The following MVB12B variants were observed in gnomAD, a reference collection of about 807,000 sequenced individuals.
MVB12B encodes the protein ESCRT-I complex subunit MVB12B.
In MVB12B, 16 loss-of-function variants were observed where a neutral mutation model predicts 41.6. The observed-to-expected ratio is 0.38, with a 90% CI of 0.26 to 0.58. The LOEUF is 0.58. Among genes scored for constraint, MVB12B ranks in the 20% least tolerant of loss-of-function variants. The pLI is 0.62. For missense variants in MVB12B, 274 were observed against 380.2 expected, an observed-to-expected ratio of 0.72 and a Z score of 2.32; for synonymous variants, 133 against 139.7, an observed-to-expected ratio of 0.95 and a Z score of 0.34.
intron 7 of MVB12B, among the ~76,000 whole-genome samples, chr9:126,439,251 G>A (rs1409376306): frequency 6.6e-6 from 1 of 151,688 alleles, no homozygotes; most frequent in Non-Finnish European, 1.5e-5. Flanking sequence ...CTCTGGGCAG[G>A]GAGCTCACAG....
intron 9 of MVB12B, among the ~76,000 whole-genome samples, chr9:126,493,267 C>T (rs547654806): frequency 1.6e-4 from 24 of 152,250 alleles, no homozygotes; most frequent in Admixed American, 1.4e-3. Context: ...GAACTACAGA[C>T]AGCTTTATTT....
intron 9 of MVB12B, among the ~76,000 whole-genome samples, chr9:126,487,689 C>T (rs1036045554): frequency 6.6e-6 from 1 of 151,898 alleles, no homozygotes; most frequent in Non-Finnish European, 1.5e-5. Flanking sequence ...ATCACTTGAG[C>T]CCAGGAGACG....
At position 126,463,263 on chromosome 9, in the gene MVB12B, C is replaced by G. The variant is rs147473406; in HGVS notation, c.758-18106C>G. Reference sequence around the variant, plus strand: ...CAAGAGGCGTGAGTTCTAAGGGCTCCCATCCTCTCACATGCACCATGAGGA... The same window carrying G: ...CAAGAGGCGTGAGTTCTAAGGGCTCGCATCCTCTCACATGCACCATGAGGA... On this transcript the variant is annotated intron_variant, in intron 7 of 9. Coordinates refer to ENST00000361171, the MANE Select transcript of MVB12B (RefSeq NM_033446.3). Among the ~76,000 whole-genome samples the G allele has an allele frequency of 4.6e-3, 707 of 152,270 alleles. 5 individuals are homozygous for G. Among genetic ancestry groups the G allele is most frequent in the Admixed American group, 9.2e-3 (141 of 15,286 alleles).
At chr9:126,422,320 G>A (rs891986671) in intron 7 of MVB12B, among the ~76,000 whole-genome samples, 7 of 152,150 alleles carry the variant, frequency 4.6e-5, no homozygotes, top group African/African-American at 1.4e-4. Flanking sequence ...CCATATCCAA[G>A]TCTGTCCTCA....
At chr9:126,354,682 C>T (rs1175690962) in intron 2 of MVB12B, among the ~76,000 whole-genome samples, 3 of 152,154 alleles carry the variant, frequency 2.0e-5, no homozygotes, top group African/African-American at 7.2e-5. Flanking sequence ...TATATACACA[C>T]ATGCGTGGGA....
In MVB12B at chr9:126,473,692, G is replaced by A. The variant is rs770323981; in HGVS notation, c.758-7677G>A. Among the ~76,000 whole-genome samples the A allele has an allele frequency of 1.8e-4, 28 of 152,300 alleles. No individual in the cohort carries two copies. The highest frequency in any genetic ancestry group is 3.2e-4 in the Non-Finnish European group (22 of 68,032). On this transcript the variant is annotated intron_variant, in intron 7 of 9. Transcript: ENST00000361171. This position sits in a 1 kb window ranked among gnomAD's most constrained non-coding sequence, Gnocchi z 4.0. The stretch of plus-strand genomic sequence containing the variant: ...CTCGCTATCACAAGGACAGCACCAC[G>A]GGGAAGCTGCTAAACCATCCACAAG...
chr9:126,420,406 A>G (rs527433255), intron 6 of MVB12B, among the ~76,000 whole-genome samples: 1 of 152,236 alleles, frequency 6.6e-6, no homozygotes, highest in African/African-American at 2.4e-5. Flanking sequence ...GCTGTGGCTG[A>G]GTGTCCGCCA....
Position 126,468,024 on chromosome 9 carries a change from G to A in MVB12B, c.758-13345G>A, listed in dbSNP as rs555291157. On this transcript the variant is annotated intron_variant, in intron 7 of 9. Coordinates refer to ENST00000361171, the MANE Select transcript of MVB12B (RefSeq NM_033446.3). The surrounding 1 kb of genome is among the most constrained non-coding windows in gnomAD (Gnocchi z 4.3). ...TAAGTGTACACACACACAGATGTGC[G>A]CTTATGTATCTGTCTACAACTACAT... 2.6e-5 allele frequency among the ~76,000 whole-genome samples: 4 copies of A among 152,288 alleles called. No individual in the cohort carries two copies. The highest frequency in any genetic ancestry group is 2.1e-4 in the South Asian group (1 of 4,824).
chr9:126,429,158 G>A (rs1832262918), intron 7 of MVB12B, among the ~76,000 whole-genome samples: 1 of 152,174 alleles, frequency 6.6e-6, no homozygotes, highest in Non-Finnish European at 1.5e-5. Context: ...TTTAAAGACA[G>A]ATACATTTTT....
intron 9 of MVB12B, among the ~76,000 whole-genome samples, chr9:126,491,957 G>C (rs1022199171): frequency 5.3e-5 from 8 of 151,888 alleles, no homozygotes; most frequent in Admixed American, 2.0e-4. Context: ...AGGTTCTTTT[G>C]GGCAGTTTAT....
At chr9:126,399,468 T>G (rs1246972605) in intron 6 of MVB12B, among the ~76,000 whole-genome samples, 2 of 152,148 alleles carry the variant, frequency 1.3e-5, no homozygotes, top group Non-Finnish European at 2.9e-5. Flanking sequence ...GATCAGATGG[T>G]GGGGTTTCTG....
intron 7 of MVB12B, among the ~76,000 whole-genome samples, chr9:126,450,721 A>T (rs1832873009): frequency 6.6e-6 from 1 of 152,204 alleles, no homozygotes; most frequent in African/African-American, 2.4e-5. Flanking sequence ...AATTAATCCC[A>T]GTTAATAGAT....
At chr9:126,498,906 G>A (rs1243491735) in intron 9 of MVB12B, among the ~76,000 whole-genome samples, 1 of 152,186 alleles carries the variant, frequency 6.6e-6, no homozygotes, top group African/African-American at 2.4e-5. Flanking sequence ...TTCAAAAAAT[G>A]CTGGTGTCCC....
chr9:126,448,832 C>T (rs1004865732), intron 7 of MVB12B, among the ~76,000 whole-genome samples: 7 of 152,124 alleles, frequency 4.6e-5, no homozygotes, highest in Admixed American at 1.3e-4. Context: ...CCAGGCTCCC[C>T]GCCTCCAACA....
chr9:126,360,455 A>ATTTGGCCAGC (rs1209042951), intron 2 of MVB12B, among the ~76,000 whole-genome samples: 4 of 152,194 alleles, frequency 2.6e-5, no homozygotes, highest in Admixed American at 6.5e-5. Context: ...TACAGGCTGG[A>ATTTGGCCAGC]TTTGGCCTGC....
chr9:126,384,329 G>A (rs925572671), intron 3 of MVB12B, among the ~76,000 whole-genome samples: 40 of 152,090 alleles, frequency 2.6e-4, no homozygotes, highest in African/African-American at 5.1e-4. Context: ...AGGAAGAAAC[G>A]GTTTCCTGAT....
chr9:126,386,651 G>A lies in MVB12B; in HGVS notation c.402G>A (p.Val134=). 1 of 1,611,198 alleles carries A rather than the reference G, an allele frequency of 6.2e-7. No individual in the cohort carries two copies. The highest frequency in any genetic ancestry group is 1.1e-5 in the South Asian group (1 of 91,010). The part of the protein sequence containing the change: ...PVGFIPIQET[V]DTQEVAFRKK... ...GCTTCATCCCAATTCAGGAGACGGT[G>A]GACACACGTGAGTCATCCTTTAGTA... The change falls in exon 4 of 10, where the codon GTG becomes GTA. Residue 134 remains valine, a synonymous_variant. Transcript: ENST00000361171. This position sits in a 1 kb window ranked among gnomAD's most constrained non-coding sequence, Gnocchi z 4.3.
chr9:126,415,880 G>A (rs1192243494), intron 6 of MVB12B, among the ~76,000 whole-genome samples: 3 of 152,148 alleles, frequency 2.0e-5, no homozygotes, highest in African/African-American at 7.2e-5. Context: ...GTGGCGGGGT[G>A]CCTCCTCAGA....
At chr9:126,373,097 C>T (rs977825515) in intron 2 of MVB12B, among the ~76,000 whole-genome samples, 47 of 152,234 alleles carry the variant, frequency 3.1e-4, no homozygotes, top group African/African-American at 8.9e-4. Context: ...GAGGCAGATG[C>T]ATTTGTCTCA....
Sources: gnomAD v4.1 joint callset for allele counts (sites outside exome capture counted in the v4.1 genomes callset) on GRCh38, gnomAD v4.1.1 for gene constraint, Gnocchi (gnomAD v3.1) non-coding constraint, MANE v1.5 for transcripts, NCBI Gene and HGNC (gene_info 2026-07-23, HGNC 2026-07-21) for gene names.